NALCN: variants seen among roughly 807,000 people sequenced by gnomAD.
NALCN encodes the protein sodium leak channel, non-selective.
Under a neutral mutation model 225.3 loss-of-function variants are expected in NALCN, and 111 were observed. The observed-to-expected ratio is 0.49, with a 90% confidence interval of 0.42 to 0.58. The LOEUF is 0.58. Ranked by LOEUF, NALCN falls within the 20% of genes least tolerant of loss-of-function variation. The probability of loss-of-function intolerance (pLI) is 0.00; values close to 1 mark genes in which losing one functional copy is unlikely to be tolerated. For synonymous variants in NALCN, 764 were observed against 769.0 expected, an observed-to-expected ratio of 0.99 and a Z score of 0.11; for missense variants, 1,378 against 2,202.4, an observed-to-expected ratio of 0.63 and a Z score of 7.49.
Position 101,055,055 on chromosome 13 carries a change from T to C in NALCN, c.*240A>G, listed in dbSNP as rs2031045446. ...TTAAGTGATATACATTTGCTTGCGGTATCATTTCTAATATTATCAGTACTG... is the reference window on the plus strand; with the variant it reads ...TTAAGTGATATACATTTGCTTGCGGCATCATTTCTAATATTATCAGTACTG... On this transcript the variant is annotated 3_prime_UTR_variant, in exon 44 of 44. Transcript: ENST00000251127. 1 of 489,156 alleles carries C rather than the reference T, an allele frequency of 2.0e-6. No homozygotes were observed. Among genetic ancestry groups the C allele is most frequent in the Non-Finnish European group, 3.6e-6 (1 of 277,532 alleles). 30.3% of individuals were successfully genotyped at this position (489,156 alleles called of 1,614,324 possible). A position where few individuals can be genotyped will look rare whatever the true frequency, so the allele number is the denominator to read the frequency against.
chr13:101,104,986 A>T lies in NALCN; in HGVS notation c.2580-36T>A. On this transcript the variant is annotated intron_variant, in intron 22 of 43. Transcript: ENST00000251127. This position sits in a 1 kb window ranked among gnomAD's most constrained non-coding sequence, Gnocchi z 4.2. ...ACACATATATAAAATTCTGCAACAA[A>T]GCAAGCATGTTTTAACTTGCTAAAA... 1 of 1,586,020 alleles carries T rather than the reference A, an allele frequency of 6.3e-7. No homozygotes were observed. Among genetic ancestry groups the T allele is most frequent in the Admixed American group, 1.7e-5 (1 of 59,178 alleles).
At chr13:101,271,137 G>A (rs1282768250) in intron 10 of NALCN, among the ~76,000 whole-genome samples, 4 of 152,010 alleles carry the variant, frequency 2.6e-5, no homozygotes, top group Non-Finnish European at 4.4e-5. Flanking sequence ...CTTCCAGTGA[G>A]GTTTAAAAAT....
At chr13:101,343,776 T>C (rs919047972) in intron 7 of NALCN, among the ~76,000 whole-genome samples, 1 of 152,254 alleles carries the variant, frequency 6.6e-6, no homozygotes, top group East Asian at 1.9e-4. Flanking sequence ...AAAGAGATTC[T>C]ACCCTATATT....
rs557374323 is a variant in NALCN, at chr13:101,082,867, G to A, written c.3707C>T (p.Pro1236Leu). ...CATTGTTGCCAAAGGTACGGTCACC[G>A]GGTCCTCGACGTCCCACTGCAACAG... is the stretch of plus-strand genomic sequence containing the variant. ...LLSVKWDVED[P>L]VTVPLATMSV... The change falls in exon 33 of 44, where the codon CCG becomes CTG. Residue 1236 changes from proline (P) to leucine (L), a missense_variant. Transcript: ENST00000251127. 4.3e-6 allele frequency: 7 copies of A among 1,614,128 alleles called. No homozygotes were observed. The highest frequency in any genetic ancestry group is 1.3e-5 in the African/African-American group (1 of 75,022).
rs998543321 is a variant in NALCN, at chr13:101,122,640, A to C, written c.2192+1968T>G. ...TAGCATTATTGTGTTTGTGCTTGAA[A>C]ATAATTTTAAGAAAATATTGGAGAC... On this transcript the variant is annotated intron_variant, in intron 18 of 43. Coordinates refer to ENST00000251127, the MANE Select transcript of NALCN (RefSeq NM_052867.4). Among the ~76,000 whole-genome samples the C allele has an allele frequency of 2.8e-4, 42 of 152,378 alleles. 1 individual carries two copies. Among genetic ancestry groups the C allele is most frequent in the African/African-American group, 9.1e-4 (38 of 41,600 alleles).
At chr13:101,351,288 A>G (rs970244769) in intron 6 of NALCN, among the ~76,000 whole-genome samples, 1 of 152,184 alleles carries the variant, frequency 6.6e-6, no homozygotes, top group African/African-American at 2.4e-5. Flanking sequence ...TGGCTTTAGT[A>G]GCTTCCATGT....
chr13:101,155,846 T>A (rs2037874854), intron 15 of NALCN, among the ~76,000 whole-genome samples: 1 of 152,210 alleles, frequency 6.6e-6, no homozygotes, highest in Admixed American at 6.5e-5. Flanking sequence ...ACATACTAAT[T>A]TTGGTATTCA....
intron 6 of NALCN, among the ~76,000 whole-genome samples, chr13:101,370,936 G>A (rs879661434): frequency 2.6e-5 from 4 of 152,036 alleles, no homozygotes. Flanking sequence ...CTAGGCAACT[G>A]CTGATTTCTT....
intron 7 of NALCN, among the ~76,000 whole-genome samples, chr13:101,298,570 C>T (rs1417780933): frequency 1.3e-5 from 2 of 152,172 alleles, no homozygotes; most frequent in African/African-American, 4.8e-5. Flanking sequence ...GATCCACTCA[C>T]CTCGGCCTCC....
In NALCN at chr13:101,209,347, C is replaced by G. The variant is rs1171263974; in HGVS notation, c.1627-17293G>C. Among the ~76,000 whole-genome samples, 3 of 152,108 alleles carry G rather than the reference C, an allele frequency of 2.0e-5. No individual in the cohort carries two copies. The East Asian group carries it at 5.8e-4, about 29-fold the overall frequency. On this transcript the variant is annotated intron_variant, in intron 13 of 43. Transcript: ENST00000251127. ...TAGGAACTAGTTGGTACCTCATAAT[C>G]ACTGTAGAACTTGTATAAACATGTT...
chr13:101,084,911 A>G (rs1202157043), intron 30 of NALCN, among the ~76,000 whole-genome samples: 1 of 152,168 alleles, frequency 6.6e-6, no homozygotes, highest in Non-Finnish European at 1.5e-5. Flanking sequence ...AACCAAAACA[A>G]ATTTCCTACC....
chr13:101,241,169 G>A (rs978389210), intron 11 of NALCN, among the ~76,000 whole-genome samples: 1 of 152,176 alleles, frequency 6.6e-6, no homozygotes, highest in African/African-American at 2.4e-5. Flanking sequence ...TTCAGATCAG[G>A]TTTCTTATCT....
intron 13 of NALCN, among the ~76,000 whole-genome samples, chr13:101,217,124 GGCAGTT>G (rs1432202782): frequency 4.5e-4 from 68 of 150,376 alleles, no homozygotes; most frequent in African/African-American, 1.6e-3. Flanking sequence ...GTAATTTAGA[GGCAGTT>G]GCTTTCTATA....
At position 101,395,304 on chromosome 13, in the gene NALCN, G is replaced by A. The variant is rs1188144130; in HGVS notation, c.170C>T (p.Thr57Met). 20 of 1,613,908 alleles carry A rather than the reference G, an allele frequency of 1.2e-5. No individual in the cohort carries two copies. Among genetic ancestry groups the A allele is most frequent in the South Asian group, 5.5e-5 (5 of 91,078 alleles). Residue 57 changes from threonine to methionine, a missense_variant, in exon 3 of 44, where the codon ACG becomes ATG. Coordinates refer to ENST00000251127, the MANE Select transcript of NALCN (RefSeq NM_052867.4). Reference protein sequence around the residue: ...IISVISVCMNTPMTFEHYPPL... With the variant: ...IISVISVCMNMPMTFEHYPPL... ...AGGATAGTGCTCGAAGGTCATTGGC[G>A]TATTCATACAAACAGAAATGACGCT...
intron 14 of NALCN, among the ~76,000 whole-genome samples, chr13:101,186,306 T>C (rs2039444659): frequency 2.0e-5 from 3 of 152,236 alleles, no homozygotes; most frequent in African/African-American, 2.4e-5. Context: ...GTGTTCGTTA[T>C]TGCTAATTTC....
chr13:101,109,138 G>A (rs564161749), intron 20 of NALCN, among the ~76,000 whole-genome samples: 59 of 152,254 alleles, frequency 3.9e-4, no homozygotes, highest in African/African-American at 9.6e-4. Context: ...TATTGAAGGC[G>A]CTTTGAATGA....
intron 17 of NALCN, among the ~76,000 whole-genome samples, chr13:101,135,872 A>T (rs941192320): frequency 6.6e-6 from 1 of 152,232 alleles, no homozygotes; most frequent in Non-Finnish European, 1.5e-5. Flanking sequence ...TAGATTTAGC[A>T]GCGGCCTTAA....
At chr13:101,299,151 A>G (rs1160929978) in intron 7 of NALCN, among the ~76,000 whole-genome samples, 1 of 152,126 alleles carries the variant, frequency 6.6e-6, no homozygotes, top group African/African-American at 2.4e-5. Flanking sequence ...AATTTTTATC[A>G]TTTTGCTGTT....
At chr13:101,341,732 G>A (rs1480301874) in intron 7 of NALCN, among the ~76,000 whole-genome samples, 1 of 152,194 alleles carries the variant, frequency 6.6e-6, no homozygotes, top group Non-Finnish European at 1.5e-5. Flanking sequence ...GGGAGGAACA[G>A]GGTAATGTTC....
Sources: allele counts gnomAD v4.1 joint callset (sites outside exome capture counted in the v4.1 genomes callset), GRCh38; gene constraint gnomAD v4.1.1; non-coding constraint Gnocchi (gnomAD v3.1); transcripts MANE v1.5; gene names NCBI Gene and HGNC (gene_info 2026-07-23, HGNC 2026-07-21).